ZNF487: variants seen among roughly 807,000 people sequenced by gnomAD.
ZNF487 encodes KRAB domain only 1.
In ZNF487, 4 loss-of-function variants were observed where a neutral mutation model predicts 3.0. The observed-to-expected ratio is 1.35, with a 90% confidence interval of 0.66 to 3.08. The LOEUF is 3.08. ZNF487 is among the 30% of genes most tolerant of loss of function. The probability of loss-of-function intolerance (pLI) is 0.01; values close to 1 mark genes in which losing one functional copy is unlikely to be tolerated. For missense variants in ZNF487, 146 were observed against 98.7 expected, an observed-to-expected ratio of 1.48 and a Z score of -2.03; for synonymous variants, 55 against 34.6, an observed-to-expected ratio of 1.59 and a Z score of -2.06.
chr10:43,481,878 G>A lies in ZNF487; in HGVS notation c.580G>A (p.Ala194Thr), dbSNP rs1186898217. 6.1e-5 allele frequency: 43 copies of A among 700,900 alleles called. 1 individual carries two copies. The East Asian group carries it at 1.2e-3, about 19-fold the overall frequency. The allele number at this position is 700,900 out of a possible 1,614,324, so 43.4% of individuals were successfully genotyped here. The change falls in exon 4 of 4, where the codon GCC becomes ACC. Residue 194 changes from alanine to threonine, a missense_variant. Coordinates refer to ENST00000437590, the MANE Select transcript of ZNF487 (RefSeq NM_001355444.3). ...QCGKAFHEEAACSTHKRVCSW... is the reference protein window; with the variant it reads ...QCGKAFHEEATCSTHKRVCSW... ...TGGGAAGGCTTTTCATGAAGAGGCA[G>A]CCTGCAGTACCCATAAGAGAGTGTG... is the stretch of plus-strand genomic sequence containing the variant.
intron 3 of ZNF487, among the ~76,000 whole-genome samples, chr10:43,480,342 G>A (rs891276665): frequency 2.0e-5 from 3 of 149,418 alleles, no homozygotes; most frequent in Non-Finnish European, 3.0e-5. Flanking sequence ...TCCTGACCTC[G>A]TGATCCACCC....
the ZNF487 span, among the ~76,000 whole-genome samples, chr10:43,522,280 G>A: frequency 6.6e-6 from 1 of 152,204 alleles, no homozygotes; most frequent in Non-Finnish European, 1.5e-5. Flanking sequence ...ACTTTGGAAG[G>A]CTGAAGTGGG....
the ZNF487 span, chr10:43,523,498 C>T: frequency 6.6e-6 from 1 of 152,212 alleles, no homozygotes; most frequent in Non-Finnish European, 1.5e-5. Context: ...TTGATGAGCT[C>T]AGTGCACATG....
chr10:43,478,644 A>G (rs1388625214), intron 3 of ZNF487, among the ~76,000 whole-genome samples: 1 of 152,162 alleles, frequency 6.6e-6, no homozygotes, highest in African/African-American at 2.4e-5. Context: ...GCTTGAGCCC[A>G]GGAGTTTGAA....
At chr10:43,441,155 C>T (rs2132030878) in intron 1 of ZNF487, among the ~76,000 whole-genome samples, 1 of 138,074 alleles carries the variant, frequency 7.2e-6, no homozygotes, top group African/African-American at 2.6e-5. Context: ...TCTCAAAGTG[C>T]AGGTATTACA....
chr10:43,480,318 G>GCT (rs1375672236), intron 3 of ZNF487, among the ~76,000 whole-genome samples: 3 of 151,044 alleles, frequency 2.0e-5, no homozygotes, highest in African/African-American at 7.3e-5. Context: ...ATGTTGGCCA[G>GCT]GCTGGTCTCG....
chr10:43,518,990 A>G, the ZNF487 span, among the ~76,000 whole-genome samples: 151 of 152,312 alleles, frequency 9.9e-4, 1 homozygote, highest in Non-Finnish European at 1.8e-3. Flanking sequence ...TAAAATTTTC[A>G]CTTCATATTT....
intron 3 of ZNF487, 75 bp from the exon 4 acceptor site, chr10:43,481,354 G>A (rs2132156217): frequency 1.3e-5 from 8 of 625,436 alleles, no homozygotes; most frequent in Admixed American, 6.1e-5. Context: ...GAAAAAAAAA[G>A]CATGTGAATA....
At chr10:43,460,044 T>TGCCC (rs1840370547) in intron 1 of ZNF487, among the ~76,000 whole-genome samples, 1 of 151,780 alleles carries the variant, frequency 6.6e-6, no homozygotes, top group South Asian at 2.1e-4. Flanking sequence ...CCTCATGATC[T>TGCCC]GCCCGCCTTG....
At chr10:43,444,389 G>C (rs1489544416) in intron 1 of ZNF487, among the ~76,000 whole-genome samples, 1 of 152,110 alleles carries the variant, frequency 6.6e-6, no homozygotes, top group Non-Finnish European at 1.5e-5. Context: ...TCCATATCAT[G>C]TTTATTTATA....
intron 1 of ZNF487, among the ~76,000 whole-genome samples, chr10:43,464,851 C>T (rs1158923756): frequency 2.6e-5 from 4 of 152,208 alleles, no homozygotes; most frequent in Non-Finnish European, 5.9e-5. Context: ...AAACCGCCAT[C>T]GTCATCATGG....
chr10:43,504,080 C>A, the ZNF487 span, among the ~76,000 whole-genome samples: 3,711 of 152,156 alleles, frequency 0.024, 152 homozygotes, highest in African/African-American at 0.085. Context: ...GTAGCTATAC[C>A]ATTTAGGTTT....
At chr10:43,521,594 T>G in the ZNF487 span, among the ~76,000 whole-genome samples, 1 of 152,124 alleles carries the variant, frequency 6.6e-6, no homozygotes, top group Non-Finnish European at 1.5e-5. Context: ...GTGACTGAAG[T>G]TTTTAAGTGC....
chr10:43,481,534 A>C lies in ZNF487; in HGVS notation c.236A>C (p.Asn79Thr). The C allele has an allele frequency of 1.4e-6, 1 of 714,378 alleles. No individual in the cohort carries two copies. The highest frequency in any genetic ancestry group is 2.7e-5 in the East Asian group (1 of 37,264). The allele number at this position is 714,378 out of a possible 1,614,324, so 44.3% of individuals were successfully genotyped here. The change falls in exon 4 of 4, where the codon AAT (asparagine) becomes ACT (threonine). Residue 79 changes from asparagine to threonine, a missense_variant. Coordinates refer to ENST00000437590, the MANE Select transcript of ZNF487 (RefSeq NM_001355444.3). ...VNNKTLTMDR[N>T]GVLGKTFSLD... ...AATAAAACACTGACTATGGACAGAA[A>C]TGGTGTATTAGGAAAAACATTTTCT...
the ZNF487 span, among the ~76,000 whole-genome samples, chr10:43,518,354 C>A: frequency 2.6e-5 from 4 of 152,110 alleles, no homozygotes; most frequent in Non-Finnish European, 4.4e-5. Flanking sequence ...AAATGGATAC[C>A]CCGCCGTGTA....
At chr10:43,447,446 T>G (rs967472197) in intron 1 of ZNF487, among the ~76,000 whole-genome samples, 1 of 152,112 alleles carries the variant, frequency 6.6e-6, no homozygotes, top group Admixed American at 6.6e-5. Flanking sequence ...TTCACTATGT[T>G]GGCCAGGCTG....
chr10:43,499,832 A>G, the ZNF487 span, among the ~76,000 whole-genome samples: 122 of 152,016 alleles, frequency 8.0e-4, no homozygotes, highest in African/African-American at 2.7e-3. Flanking sequence ...TGGCAAATGT[A>G]AGATCAATGT....
At chr10:43,443,061 CTTTTTTTT>C (rs34420531) in intron 1 of ZNF487, among the ~76,000 whole-genome samples, 33 of 119,906 alleles carry the variant, frequency 2.8e-4, no homozygotes, top group Admixed American at 3.9e-4. Context: ...CTCGTTCTAG[CTTTTTTTT>C]TTTTTTTTTT....
chr10:43,446,614 G>A (rs187153453), intron 1 of ZNF487, among the ~76,000 whole-genome samples: 386 of 151,056 alleles, frequency 2.6e-3, no homozygotes, highest in Non-Finnish European at 4.2e-3. Context: ...GGGCAGGGGC[G>A]CTCCCCACAT....
Sources: gnomAD v4.1 joint callset for allele counts (sites outside exome capture counted in the v4.1 genomes callset) on GRCh38, gnomAD v4.1.1 for gene constraint, MANE v1.5 for transcripts, NCBI Gene and HGNC (gene_info 2026-07-23, HGNC 2026-07-21) for gene names.